Variants in L2HGDH observed in about 807,000 individuals in gnomAD.
L2HGDH encodes L-2-hydroxyglutarate dehydrogenase.
In L2HGDH, 34 loss-of-function variants were observed where a neutral mutation model predicts 51.5. That is an observed-to-expected ratio of 0.66 (90% CI 0.50 to 0.88). The LOEUF is 0.88. L2HGDH is among the 40% of genes least tolerant of loss of function. L2HGDH has a pLI of 0.00. For synonymous variants in L2HGDH, 198 were observed against 197.9 expected, an observed-to-expected ratio of 1.00 and a Z score of -0.01; for missense variants, 558 against 571.9, an observed-to-expected ratio of 0.98 and a Z score of 0.25.
intron 6 of L2HGDH, 57 bp from the exon 7 acceptor site, chr14:50,269,387 G>C (rs1434040343): frequency 6.6e-7 from 1 of 1,515,368 alleles, no homozygotes; most frequent in South Asian, 1.1e-5. Flanking sequence ...TAGGTCAAGA[G>C]GGGAAAAACA....
intron 4 of L2HGDH, among the ~76,000 whole-genome samples, chr14:50,287,691 CTTTTTTTTTTTTTTT>C (rs911689718): frequency 4.7e-5 from 4 of 85,276 alleles, no homozygotes; most frequent in East Asian, 3.6e-4. Flanking sequence ...TATTTTTTTC[CTTTTTTTTTTTTTTT>C]TTTTTTTTTG....
intron 9 of L2HGDH, among the ~76,000 whole-genome samples, chr14:50,257,024 C>T (rs1039039491): frequency 1.3e-5 from 2 of 152,154 alleles, no homozygotes; most frequent in African/African-American, 2.4e-5. Context: ...CAACCTCTGC[C>T]TCGCAGGTTC....
intron 6 of L2HGDH, among the ~76,000 whole-genome samples, chr14:50,269,761 G>A (rs1306754360): frequency 6.6e-6 from 1 of 151,520 alleles, no homozygotes; most frequent in Non-Finnish European, 1.5e-5. Flanking sequence ...CTTTTAATTT[G>A]GATTAATTAA....
chr14:50,263,076 A>C (rs1281090891), intron 9 of L2HGDH, among the ~76,000 whole-genome samples: 2 of 152,216 alleles, frequency 1.3e-5, no homozygotes, highest in Non-Finnish European at 1.5e-5. Context: ...TGGTCTAAAA[A>C]GTTTTCCTCA....
intron 4 of L2HGDH, among the ~76,000 whole-genome samples, chr14:50,287,595 G>C (rs1237231186): frequency 6.6e-6 from 1 of 150,426 alleles, no homozygotes; most frequent in Non-Finnish European, 1.5e-5. Context: ...CATTCTTCAA[G>C]GTAATACTTG....
intron 9 of L2HGDH, among the ~76,000 whole-genome samples, chr14:50,264,151 G>A (rs1173407021): frequency 1.3e-5 from 2 of 151,354 alleles, no homozygotes; most frequent in South Asian, 2.1e-4. Flanking sequence ...AGGCTGAGGC[G>A]TGTGGATCGC....
chr14:50,247,023 GA>G lies in L2HGDH; in HGVS notation c.*34del. 6.3e-7 allele frequency: 1 copy of G among 1,597,102 alleles called. No individual in the cohort carries two copies. Among genetic ancestry groups the G allele is most frequent in the Non-Finnish European group, 8.6e-7 (1 of 1,168,844 alleles). On this transcript the variant is annotated 3_prime_UTR_variant, in exon 10 of 10. Transcript: ENST00000267436. Reference sequence around the variant, plus strand: ...ATTAGTACATTCTTGTTGCTGACATGAAGATTACAGTGCATACCTAGCTCCT... The same window carrying G: ...ATTAGTACATTCTTGTTGCTGACATGAGATTACAGTGCATACCTAGCTCCT...
chr14:50,259,010 C>CTTT (rs554295046), intron 9 of L2HGDH, among the ~76,000 whole-genome samples: 20 of 121,506 alleles, frequency 1.6e-4, no homozygotes, highest in African/African-American at 4.1e-4. Flanking sequence ...ACGCCAGGCT[C>CTTT]TTTTTTTTTT....
intron 9 of L2HGDH, among the ~76,000 whole-genome samples, chr14:50,263,279 A>G (rs1234993680): frequency 6.6e-6 from 1 of 152,260 alleles, no homozygotes; most frequent in Non-Finnish European, 1.5e-5. Flanking sequence ...AAAACATAAA[A>G]GCCCTTACTT....
chr14:50,272,385 T>G (rs1889746174), intron 6 of L2HGDH, among the ~76,000 whole-genome samples: 1 of 152,206 alleles, frequency 6.6e-6, no homozygotes, highest in Non-Finnish European at 1.5e-5. Flanking sequence ...TTTTCAATTC[T>G]TCTTTGAATG....
chr14:50,309,681 T>C lies in L2HGDH; in HGVS notation c.140+2330A>G, dbSNP rs117554896. 7.9e-3 allele frequency among the ~76,000 whole-genome samples: 1,095 copies of C among 138,204 alleles called. 9 individuals carry two copies. The highest frequency in any genetic ancestry group is 0.041 in the Middle Eastern group (11 of 268). The allele number at this position is 138,204 out of a possible 152,430, so 90.7% of individuals were successfully genotyped here. A position where few individuals can be genotyped will look rare whatever the true frequency, so the allele number is the denominator to read the frequency against. The stretch of plus-strand genomic sequence containing the variant: ...ACCTTGTGGCAATAGAATATTTTTA[T>C]ACCACCCTTTTTTTTTTTTTTAAGA... On this transcript the variant is annotated intron_variant, in intron 1 of 9. Transcript: ENST00000267436.
chr14:50,309,182 CTT>C (rs1053669432), intron 1 of L2HGDH, among the ~76,000 whole-genome samples: 5 of 152,032 alleles, frequency 3.3e-5, no homozygotes, highest in Non-Finnish European at 7.4e-5. Context: ...CAATTTTTTT[CTT>C]TTAGAGATCA....
At chr14:50,283,299 C>T (rs1890379454) in intron 5 of L2HGDH, among the ~76,000 whole-genome samples, 2 of 152,222 alleles carry the variant, frequency 1.3e-5, no homozygotes, top group South Asian at 4.1e-4. Context: ...TTTCCATAAA[C>T]AGCCTTGGCA....
chr14:50,293,640 G>C (rs2029877447), intron 4 of L2HGDH, among the ~76,000 whole-genome samples: 1 of 152,126 alleles, frequency 6.6e-6, no homozygotes, highest in Non-Finnish European at 1.5e-5. Context: ...CGAGGCAGGA[G>C]GATCAAACTC....
Position 50,284,433 on chromosome 14 carries a change from G to T in L2HGDH, c.541-400C>A, listed in dbSNP as rs143473287. 3.9e-4 allele frequency among the ~76,000 whole-genome samples: 59 copies of T among 152,194 alleles called. 1 individual carries two copies. The highest frequency in any genetic ancestry group is 1.4e-3 in the African/African-American group (58 of 41,544). On this transcript the variant is annotated intron_variant, in intron 4 of 9. Transcript: ENST00000267436. The stretch of plus-strand genomic sequence containing the variant: ...AAATATGGAATGGAGATTTTATGTG[G>T]TTAACTCAAACTTTTTCTTCAGGTA...
At chr14:50,306,600 G>GT (rs71118864) in intron 1 of L2HGDH, among the ~76,000 whole-genome samples, 24,011 of 133,072 alleles carry the variant, frequency 0.18, 2,714 homozygotes, top group African/African-American at 0.34. Flanking sequence ...TTGTTTTGGG[G>GT]TTTTTTTTTT....
chr14:50,263,120 A>T (rs1799642810), intron 9 of L2HGDH, among the ~76,000 whole-genome samples: 1 of 152,256 alleles, frequency 6.6e-6, no homozygotes, highest in Admixed American at 6.5e-5. Flanking sequence ...GAATACAGGC[A>T]GTGAATTCAC....
intron 1 of L2HGDH, among the ~76,000 whole-genome samples, chr14:50,309,080 G>A (rs1201084518): frequency 6.6e-6 from 1 of 152,114 alleles, no homozygotes; most frequent in East Asian, 1.9e-4. Context: ...TGCAGTTGCT[G>A]GTATTTTTTT....
intron 1 of L2HGDH, among the ~76,000 whole-genome samples, chr14:50,310,844 T>C (rs1285180342): frequency 6.6e-6 from 1 of 151,962 alleles, no homozygotes; most frequent in Non-Finnish European, 1.5e-5. Flanking sequence ...TATCCCACTC[T>C]ACTCCCCCTA....
Sources: gnomAD v4.1 joint callset for allele counts (sites outside exome capture counted in the v4.1 genomes callset) on GRCh38, gnomAD v4.1.1 for gene constraint, MANE v1.5 for transcripts, NCBI Gene and HGNC (gene_info 2026-07-23, HGNC 2026-07-21) for gene names.